The following ITPR1 variants were observed in gnomAD, a reference collection of about 807,000 sequenced individuals.
ITPR1 encodes the protein inositol 1,4,5-trisphosphate receptor type 1, also known as inositol 1,4,5-trisphosphate-gated calcium channel ITPR1.
ITPR1 carries 96 observed loss-of-function variants against 318.4 expected under a neutral mutation model. The observed-to-expected ratio is 0.30, with a 90% CI of 0.26 to 0.36. ITPR1 has a LOEUF of 0.36. Among genes scored for constraint, ITPR1 ranks in the 10% least tolerant of loss-of-function variants. The probability of loss-of-function intolerance (pLI) is 1.00; values close to 1 mark genes in which losing one functional copy is unlikely to be tolerated. For missense variants in ITPR1, 2,440 were observed against 3,460.2 expected, an observed-to-expected ratio of 0.71 and a Z score of 7.40; for synonymous variants, 1,312 against 1,289.9, an observed-to-expected ratio of 1.02 and a Z score of -0.37.
rs551306039 is a variant in ITPR1, at chr3:4,579,974, G to T, written c.164-47789G>T. On this transcript the variant is annotated intron_variant, in intron 4 of 61. Transcript: ENST00000649015. Reference sequence around the variant, plus strand: ...GCCTGTAATCCCAGCACTTTGGGAGGCCGAGACGGGTGGATCACGAAGTCA... The same window carrying T: ...GCCTGTAATCCCAGCACTTTGGGAGTCCGAGACGGGTGGATCACGAAGTCA... Among the ~76,000 whole-genome samples the T allele has an allele frequency of 1.2e-4, 18 of 152,296 alleles. No individual in the cohort carries two copies. The East Asian group carries it at 3.3e-3, about 28-fold the overall frequency.
chr3:4,653,998 A>G lies in ITPR1; in HGVS notation c.996+112A>G, dbSNP rs1575924353. 5 of 700,388 alleles carry G rather than the reference A, an allele frequency of 7.1e-6. No homozygotes were observed. The East Asian group carries it at 1.1e-4, about 15-fold the overall frequency. The allele number at this position is 700,388 out of a possible 1,614,324, so 43.4% of individuals were successfully genotyped here. ...GTCACGGAGTGCTGGGGAAGGAGGA[A>G]CCTTAGGCTCCCTTAAAACACGATC... On this transcript the variant is annotated intron_variant, in intron 12 of 61. Coordinates refer to ENST00000649015, the MANE Select transcript of ITPR1 (RefSeq NM_001378452.1).
chr3:4,835,799 G>A (rs1420046129), intron 60 of ITPR1, among the ~76,000 whole-genome samples: 1 of 152,196 alleles, frequency 6.6e-6, no homozygotes, highest in African/African-American at 2.4e-5. Context: ...AAGGAAGTGA[G>A]GTGGGAGGAG....
chr3:4,570,147 C>G (rs1381335838), intron 4 of ITPR1, among the ~76,000 whole-genome samples: 2 of 152,134 alleles, frequency 1.3e-5, no homozygotes, highest in Non-Finnish European at 2.9e-5. Flanking sequence ...CAAACTTTAT[C>G]TGAGGCAAAT....
intron 40 of ITPR1, among the ~76,000 whole-genome samples, chr3:4,722,732 G>C: frequency 8.7e-6 from 1 of 114,914 alleles, no homozygotes; most frequent in South Asian, 2.3e-4. Flanking sequence ...GTATGGCCTG[G>C]CCCCTTCCAT....
intron 40 of ITPR1, among the ~76,000 whole-genome samples, chr3:4,721,397 AGTTG>A (rs2042156100): frequency 6.6e-6 from 1 of 152,104 alleles, no homozygotes; most frequent in Admixed American, 6.5e-5. Flanking sequence ...TAGTAAAGAT[AGTTG>A]TCTCAGCAGA....
intron 5 of ITPR1, among the ~76,000 whole-genome samples, chr3:4,636,088 G>A (rs1333046155): frequency 2.6e-5 from 4 of 151,162 alleles, no homozygotes; most frequent in East Asian, 4.0e-4. Context: ...TCGAACTCCC[G>A]ACCTCACGTG....
chr3:4,532,516 G>A lies in ITPR1; in HGVS notation c.163+11422G>A, dbSNP rs563427236. On this transcript the variant is annotated intron_variant, in intron 4 of 61. Coordinates refer to ENST00000649015, the MANE Select transcript of ITPR1 (RefSeq NM_001378452.1). ...ATCCTGAGTAGCTGGGATTACAGGC[G>A]TGTGTCACCACACCCAGCTAATTTT... is the stretch of plus-strand genomic sequence containing the variant. Among the ~76,000 whole-genome samples the A allele has an allele frequency of 5.6e-4, 85 of 152,138 alleles. 1 individual carries two copies. Among genetic ancestry groups the A allele is most frequent in the South Asian group, 2.3e-3 (11 of 4,822 alleles).
chr3:4,538,339 A>G (rs572961759), intron 4 of ITPR1, among the ~76,000 whole-genome samples: 6 of 152,354 alleles, frequency 3.9e-5, no homozygotes, highest in Admixed American at 2.6e-4. Flanking sequence ...AATCAAAACC[A>G]CAGTGAGATA....
chr3:4,791,407 C>T (rs779442262), intron 52 of ITPR1, among the ~76,000 whole-genome samples: 5 of 152,172 alleles, frequency 3.3e-5, no homozygotes, highest in African/African-American at 4.8e-5. Flanking sequence ...GATTTTCTTA[C>T]GGAGTGTGCA....
At chr3:4,819,441 T>C (rs543645400) in intron 60 of ITPR1, among the ~76,000 whole-genome samples, 2 of 152,338 alleles carry the variant, frequency 1.3e-5, no homozygotes, top group Admixed American at 6.5e-5. Context: ...ACTTGAGATA[T>C]TCTGCATTTC....
At position 4,683,662 on chromosome 3, in the gene ITPR1, A is replaced by C; in HGVS notation, c.3362A>C (p.Asn1121Thr). Residue 1121 changes from asparagine (N) to threonine (T), a missense_variant, in exon 28 of 62, where the codon AAC becomes ACC. Asn to Thr is a moderately conservative substitution (Grantham distance 65, BLOSUM62 0). Around this residue, in one of 23 missense-constraint regions of ITPR1, gnomAD observed 76 missense variants for 132.2 expected, o/e 0.58. Coordinates refer to ENST00000649015, the MANE Select transcript of ITPR1 (RefSeq NM_001378452.1). The part of the protein sequence containing the change: ...QLLVTSQDVD[N>T]YKQIKQDLDQ... ...CTGGTTACCAGCCAAGATGTGGACA[A>C]CTACAAACAGATCAAACAAGACTTG... The C allele has an allele frequency of 6.2e-7, 1 of 1,614,082 alleles. No individual in the cohort carries two copies. Among genetic ancestry groups the C allele is most frequent in the Non-Finnish European group, 8.5e-7 (1 of 1,179,900 alleles).
intron 57 of ITPR1, among the ~76,000 whole-genome samples, chr3:4,814,106 A>T (rs1420843956): frequency 6.6e-6 from 1 of 152,212 alleles, no homozygotes; most frequent in Non-Finnish European, 1.5e-5. Context: ...GTTGCGAAGC[A>T]ACTCATCTGA....
intron 4 of ITPR1, among the ~76,000 whole-genome samples, chr3:4,568,596 GGATA>G: frequency 6.6e-6 from 1 of 152,272 alleles, no homozygotes; most frequent in South Asian, 2.1e-4. Flanking sequence ...CTTGCCACAT[GGATA>G]GATAGTGACC....
At position 4,712,028 on chromosome 3, in the gene ITPR1, A is replaced by G. The variant is rs2306881; in HGVS notation, c.5103+160A>G. ...AAAAAGCTGTTTATCCTGCCGTTAAAGGGAGCTAAATCATATGACTGTCTT... is the reference window on the plus strand; with the variant it reads ...AAAAAGCTGTTTATCCTGCCGTTAAGGGGAGCTAAATCATATGACTGTCTT... On this transcript the variant is annotated intron_variant, in intron 39 of 61. Coordinates refer to ENST00000649015, the MANE Select transcript of ITPR1 (RefSeq NM_001378452.1). Among the ~76,000 whole-genome samples, 50,555 of 152,182 alleles carry G rather than the reference A, an allele frequency of 0.33. 10,550 individuals are homozygous for G. Among genetic ancestry groups the G allele is most frequent in the Non-Finnish European group, 0.48 (32,693 of 67,972 alleles).
rs778585967 is a variant in ITPR1, at chr3:4,804,023, C to T, written c.7108-2080C>T. Among the ~76,000 whole-genome samples, 25 of 152,260 alleles carry T rather than the reference C, an allele frequency of 1.6e-4. No individual in the cohort carries two copies. The Middle Eastern group carries it at 0.01, about 62-fold the overall frequency. On this transcript the variant is annotated intron_variant, in intron 54 of 61. Transcript: ENST00000649015. ...GGTAGCTGGGACTACAGGTGTGTGCCGCCATGCCTGGCTAATTTTTTGTAT... is the reference window on the plus strand; with the variant it reads ...GGTAGCTGGGACTACAGGTGTGTGCTGCCATGCCTGGCTAATTTTTTGTAT...
chr3:4,800,663 C>G (rs769601987), intron 54 of ITPR1, 63 bp downstream of exon 54: 1 of 1,519,588 alleles, frequency 6.6e-7, no homozygotes, highest in Non-Finnish European at 9.1e-7. Flanking sequence ...GCCTTGCACT[C>G]TGGTTTCTAG....
chr3:4,584,443 G>T (rs1445788923), intron 4 of ITPR1, among the ~76,000 whole-genome samples: 1 of 152,156 alleles, frequency 6.6e-6, no homozygotes, highest in East Asian at 1.9e-4. Context: ...TCCTCAGAAA[G>T]ATAGTTATAT....
At chr3:4,669,507 C>T in intron 18 of ITPR1, 147 bp from the exon 19 acceptor site, 1 of 622,774 alleles carries the variant, frequency 1.6e-6, no homozygotes, top group East Asian at 3.6e-5. Context: ...TCTGGTGATG[C>T]CATAAACATT....
intron 44 of ITPR1, among the ~76,000 whole-genome samples, chr3:4,747,151 C>T (rs1322299290): frequency 6.6e-6 from 1 of 152,188 alleles, no homozygotes; most frequent in Non-Finnish European, 1.5e-5. Flanking sequence ...TGGCAGCAGT[C>T]CTCTTTTCTT....
Sources: allele counts gnomAD v4.1 joint callset (sites outside exome capture counted in the v4.1 genomes callset), GRCh38; gene constraint gnomAD v4.1.1; regional missense constraint gnomAD v4.1.1; transcripts MANE v1.5; gene names NCBI Gene and HGNC (gene_info 2026-07-23, HGNC 2026-07-21).